Variants in RAB28 observed in about 807,000 individuals in gnomAD.
RAB28 encodes ras-related protein Rab-28.
A neutral mutation model predicts 31.7 loss-of-function variants in RAB28; 24 were observed. The ratio of observed to expected loss-of-function variants is 0.76; its 90% CI spans 0.55 to 1.06. RAB28 has a LOEUF of 1.06. Ranked by LOEUF, RAB28 falls within the 50% of genes least tolerant of loss-of-function variation. RAB28 has a pLI of 0.00. For synonymous variants in RAB28, 100 were observed against 90.4 expected, an observed-to-expected ratio of 1.11 and a Z score of -0.60; for missense variants, 254 against 258.5, an observed-to-expected ratio of 0.98 and a Z score of 0.12.
chr4:13,475,070 C>T (rs1298704977), intron 2 of RAB28, among the ~76,000 whole-genome samples: 1 of 151,624 alleles, frequency 6.6e-6, no homozygotes, highest in Non-Finnish European at 1.5e-5. Context: ...TGCTTTCAAA[C>T]CTGTTCAAAG....
intron 4 of RAB28, among the ~76,000 whole-genome samples, chr4:13,454,261 T>C (rs1715166284): frequency 6.6e-6 from 1 of 152,144 alleles, no homozygotes; most frequent in African/African-American, 2.4e-5. Flanking sequence ...TTTGTTGAAT[T>C]TTCTACCTAT....
At chr4:13,412,567 AT>A (rs1712502151) in intron 4 of RAB28, among the ~76,000 whole-genome samples, 1 of 152,162 alleles carries the variant, frequency 6.6e-6, no homozygotes, top group South Asian at 2.1e-4. Flanking sequence ...AGTAGGGAAG[AT>A]TTGGGGGAGT....
intron 4 of RAB28, among the ~76,000 whole-genome samples, chr4:13,389,552 A>G (rs1411126948): frequency 1.3e-5 from 2 of 152,144 alleles, no homozygotes; most frequent in Admixed American, 1.3e-4. Context: ...AATTTATACA[A>G]AAGTAAATAG....
intron 4 of RAB28, among the ~76,000 whole-genome samples, chr4:13,416,580 C>T (rs1334650082): frequency 6.6e-6 from 1 of 152,044 alleles, no homozygotes; most frequent in Admixed American, 6.5e-5. Context: ...ATGGATGATT[C>T]CATTTATATG....
At chr4:13,377,191 C>T (rs1460444859) in intron 5 of RAB28, among the ~76,000 whole-genome samples, 3 of 152,066 alleles carry the variant, frequency 2.0e-5, no homozygotes, top group Non-Finnish European at 4.4e-5. Flanking sequence ...TATGCCATTA[C>T]GATTAAACAA....
chr4:13,454,568 T>A (rs2108954745), intron 4 of RAB28, among the ~76,000 whole-genome samples: 1 of 152,268 alleles, frequency 6.6e-6, no homozygotes, highest in African/African-American at 2.4e-5. Context: ...CACAGTAGTG[T>A]TTCTCTATGC....
intron 4 of RAB28, among the ~76,000 whole-genome samples, chr4:13,451,484 CT>C (rs1459133188): frequency 6.6e-6 from 1 of 150,944 alleles, no homozygotes; most frequent in Non-Finnish European, 1.5e-5. Context: ...TATTAATCCC[CT>C]GTTGGATAAG....
intron 4 of RAB28, among the ~76,000 whole-genome samples, chr4:13,449,625 T>C (rs987789147): frequency 6.6e-6 from 1 of 151,956 alleles, no homozygotes; most frequent in Admixed American, 6.6e-5. Context: ...CTCAACATTC[T>C]TAATTAGTGT....
chr4:13,414,526 C>A (rs537818987), intron 4 of RAB28, among the ~76,000 whole-genome samples: 15 of 152,282 alleles, frequency 9.9e-5, no homozygotes, highest in African/African-American at 3.4e-4. Context: ...TTATACCATA[C>A]CTTCCGAAAA....
rs184438575 is a variant in RAB28, at chr4:13,398,907, A to C, written c.392-17313T>G. ...GCCCTACTGGAAGATGGGGAGAGAT[A>C]GAACATTATTTAAAGTAACAACAAA... On this transcript the variant is annotated intron_variant, in intron 4 of 6. Coordinates refer to ENST00000330852, the MANE Select transcript of RAB28 (RefSeq NM_001017979.3). 1.2e-4 allele frequency among the ~76,000 whole-genome samples: 18 copies of C among 151,938 alleles called. No homozygotes were observed. The East Asian group carries it at 1.9e-3, about 16-fold the overall frequency.
intron 5 of RAB28, among the ~76,000 whole-genome samples, chr4:13,378,923 G>A (rs755476399): frequency 1.1e-4 from 17 of 151,994 alleles, no homozygotes; most frequent in Admixed American, 5.9e-4. Context: ...CTATGAAATA[G>A]TCATCGGCCT....
intron 3 of RAB28, among the ~76,000 whole-genome samples, chr4:13,470,105 A>C (rs1366129567): frequency 6.6e-6 from 1 of 152,100 alleles, no homozygotes; most frequent in Admixed American, 6.6e-5. Context: ...CAGTACACAC[A>C]CTATTTAACC....
intron 1 of RAB28, among the ~76,000 whole-genome samples, chr4:13,483,204 T>C (rs548147130): frequency 4.3e-4 from 66 of 152,174 alleles, no homozygotes; most frequent in Non-Finnish European, 7.8e-4. Flanking sequence ...GGGCAGTATT[T>C]ACTCCATTTC....
intron 4 of RAB28, among the ~76,000 whole-genome samples, chr4:13,421,640 C>T (rs902247614): frequency 6.6e-6 from 1 of 152,124 alleles, no homozygotes; most frequent in Non-Finnish European, 1.5e-5. Flanking sequence ...CTGTCAAAAA[C>T]AAGAAATGGG....
chr4:13,382,262 T>C (rs1044792799), intron 4 of RAB28, among the ~76,000 whole-genome samples: 2 of 152,136 alleles, frequency 1.3e-5, no homozygotes, highest in African/African-American at 4.8e-5. Flanking sequence ...CCAATACTGG[T>C]TTTATCCAGC....
At chr4:13,477,729 A>C (rs1716426168) in intron 2 of RAB28, among the ~76,000 whole-genome samples, 1 of 151,484 alleles carries the variant, frequency 6.6e-6, no homozygotes, top group African/African-American at 2.4e-5. Context: ...TACATTCATT[A>C]GTATACATGC....
At chr4:13,450,034 ATC>A (rs1359619236) in intron 4 of RAB28, among the ~76,000 whole-genome samples, 1 of 151,884 alleles carries the variant, frequency 6.6e-6, no homozygotes, top group Non-Finnish European at 1.5e-5. Flanking sequence ...CTTAAAATTA[ATC>A]TTTTTAAAAA....
At chr4:13,443,500 T>C (rs1207153215) in intron 4 of RAB28, among the ~76,000 whole-genome samples, 2 of 152,246 alleles carry the variant, frequency 1.3e-5, no homozygotes, top group African/African-American at 4.8e-5. Context: ...TCTTATGTGC[T>C]ACTAAATCAT....
intron 4 of RAB28, among the ~76,000 whole-genome samples, chr4:13,414,440 A>G (rs1247206459): frequency 6.6e-6 from 1 of 152,242 alleles, no homozygotes; most frequent in African/African-American, 2.4e-5. Context: ...TTCTCGTATC[A>G]AAGGGGAACT....
Sources: allele counts gnomAD v4.1 joint callset (sites outside exome capture counted in the v4.1 genomes callset), GRCh38; gene constraint gnomAD v4.1.1; transcripts MANE v1.5; gene names NCBI Gene and HGNC (gene_info 2026-07-23, HGNC 2026-07-21).